The following WWOX variants were observed in gnomAD, a reference collection of about 807,000 sequenced individuals.
WWOX encodes WW domain containing oxidoreductase.
Under a neutral mutation model 46.2 loss-of-function variants are expected in WWOX, and 69 were observed. That is an observed-to-expected ratio of 1.49 (90% CI 1.23 to 1.82). WWOX has a LOEUF of 1.82. WWOX is among the 40% of genes most tolerant of loss of function. WWOX has a pLI of 0.00. For missense variants in WWOX, 919 were observed against 542.6 expected, an observed-to-expected ratio of 1.69 and a Z score of -6.89; for synonymous variants, 359 against 202.6, an observed-to-expected ratio of 1.77 and a Z score of -6.56.
chr16:78,874,897 C>G (rs973098301), intron 8 of WWOX, among the ~76,000 whole-genome samples: 1 of 151,992 alleles, frequency 6.6e-6, no homozygotes, highest in South Asian at 2.1e-4. Context: ...CCCAAGAGCT[C>G]CCCTTCAAGC....
intron 8 of WWOX, among the ~76,000 whole-genome samples, chr16:78,887,109 TGTGTGTGTGTGTGTGTGTGTGTGTG>T (rs2044479996): frequency 2.0e-5 from 3 of 146,762 alleles, no homozygotes; most frequent in Non-Finnish European, 4.5e-5. Context: ...TGTGTGTGTG[TGTGTGTGTGTGTGTGTGTGTGTGTG>T]TATACCTAGT....
At chr16:78,178,641 G>A (rs904387325) in intron 5 of WWOX, among the ~76,000 whole-genome samples, 4 of 152,298 alleles carry the variant, frequency 2.6e-5, no homozygotes, top group East Asian at 1.9e-4. Flanking sequence ...CGAGGCGGGT[G>A]GATCACTTGA....
chr16:78,914,107 C>T (rs1567645207), intron 8 of WWOX, among the ~76,000 whole-genome samples: 1 of 152,056 alleles, frequency 6.6e-6, no homozygotes, highest in Non-Finnish European at 1.5e-5. Context: ...GGGAGGATAT[C>T]ACCTCACAGG....
chr16:79,065,630 C>G (rs947344453), intron 8 of WWOX, among the ~76,000 whole-genome samples: 13 of 152,238 alleles, frequency 8.5e-5, no homozygotes, highest in Admixed American at 7.9e-4. Flanking sequence ...CTTGTGACCT[C>G]CTATGCCTAC....
chr16:78,741,225 C>A (rs915721885), intron 8 of WWOX, among the ~76,000 whole-genome samples: 2 of 152,164 alleles, frequency 1.3e-5, no homozygotes, highest in South Asian at 4.1e-4. Context: ...TAACAGAAAG[C>A]ATTTACTGAC....
chr16:78,928,375 T>G (rs2045548416), intron 8 of WWOX, among the ~76,000 whole-genome samples: 1 of 151,792 alleles, frequency 6.6e-6, no homozygotes, highest in South Asian at 2.1e-4. Context: ...GCTAATTTTT[T>G]GTATTTTTAG....
intron 8 of WWOX, among the ~76,000 whole-genome samples, chr16:79,023,972 A>C (rs959538691): frequency 6.6e-6 from 1 of 152,050 alleles, no homozygotes; most frequent in Non-Finnish European, 1.5e-5. Context: ...AACAAAAAAA[A>C]CATTATATTA....
At chr16:78,591,429 A>T (rs971751863) in intron 8 of WWOX, among the ~76,000 whole-genome samples, 1 of 152,128 alleles carries the variant, frequency 6.6e-6, no homozygotes, top group African/African-American at 2.4e-5. Flanking sequence ...CAGCACGTAG[A>T]CCTTCCCTCA....
intron 8 of WWOX, among the ~76,000 whole-genome samples, chr16:78,762,534 A>G (rs2049819689): frequency 6.6e-6 from 1 of 152,204 alleles, no homozygotes. Flanking sequence ...GTAATGCAAA[A>G]TTCAGAGCAT....
intron 8 of WWOX, among the ~76,000 whole-genome samples, chr16:78,539,136 T>C (rs2043827307): frequency 6.6e-6 from 1 of 152,240 alleles, no homozygotes; most frequent in South Asian, 2.1e-4. Flanking sequence ...AGGCCTTTAA[T>C]GATGTTTTAT....
At chr16:78,965,975 G>C (rs796839898) in intron 8 of WWOX, among the ~76,000 whole-genome samples, 1 of 152,182 alleles carries the variant, frequency 6.6e-6, no homozygotes, top group Non-Finnish European at 1.5e-5. Flanking sequence ...AGGAGATGCT[G>C]TGATTTGGTT....
intron 8 of WWOX, chr16:79,101,564 C>T (rs569569057): frequency 2.6e-4 from 39 of 152,212 alleles, no homozygotes; most frequent in African/African-American, 7.7e-4. Context: ...GAATTTGCTT[C>T]TTATCTAGCA....
At chr16:78,531,010 C>G (rs927076830) in intron 8 of WWOX, among the ~76,000 whole-genome samples, 2 of 152,182 alleles carry the variant, frequency 1.3e-5, no homozygotes, top group African/African-American at 4.8e-5. Context: ...AATTTCAAAG[C>G]AATCTATGGT....
chr16:78,636,132 C>A (rs974397929), intron 8 of WWOX, among the ~76,000 whole-genome samples: 2 of 152,156 alleles, frequency 1.3e-5, no homozygotes, highest in Admixed American at 6.5e-5. Context: ...TTAAGAGTTT[C>A]TGGCTCCAGT....
chr16:78,917,143 G>A (rs1412885781), intron 8 of WWOX, among the ~76,000 whole-genome samples: 1 of 152,126 alleles, frequency 6.6e-6, no homozygotes, highest in Non-Finnish European at 1.5e-5. Flanking sequence ...GGGACAACAT[G>A]CCCACTCTCA....
intron 8 of WWOX, among the ~76,000 whole-genome samples, chr16:79,119,878 C>T (rs2049593075): frequency 6.6e-6 from 1 of 152,160 alleles, no homozygotes; most frequent in African/African-American, 2.4e-5. Context: ...AGGGGTTTAC[C>T]TACAAAGGAG....
intron 8 of WWOX, among the ~76,000 whole-genome samples, chr16:78,785,127 A>C (rs991496181): frequency 2.0e-5 from 3 of 152,230 alleles, no homozygotes; most frequent in Admixed American, 2.0e-4. Flanking sequence ...ATTCAATACT[A>C]GTATGTAAAA....
chr16:78,851,978 G>A (rs1351192006), intron 8 of WWOX, among the ~76,000 whole-genome samples: 1 of 152,112 alleles, frequency 6.6e-6, no homozygotes, highest in African/African-American at 2.4e-5. Context: ...TCATTCCTCA[G>A]CTGTTTGAAA....
At chr16:78,748,764 C>T (rs1597542270) in intron 8 of WWOX, among the ~76,000 whole-genome samples, 1 of 152,316 alleles carries the variant, frequency 6.6e-6, no homozygotes, top group Non-Finnish European at 1.5e-5. Context: ...TTACACTGCT[C>T]GGTGATATTA....
Sources: gnomAD v4.1 joint callset for allele counts (sites outside exome capture counted in the v4.1 genomes callset) on GRCh38, gnomAD v4.1.1 for gene constraint, MANE v1.5 for transcripts, NCBI Gene and HGNC (gene_info 2026-07-23, HGNC 2026-07-21) for gene names.